Variants in PANX1 observed in about 807,000 individuals in gnomAD.
The protein encoded by PANX1 is pannexin 1, also known as pannexin-1.
PANX1 carries 30 observed loss-of-function variants against 38.7 expected under a neutral mutation model. The ratio of observed to expected loss-of-function variants is 0.78; its 90% confidence interval spans 0.58 to 1.05. The LOEUF (loss-of-function observed/expected upper bound fraction) is 1.05, where lower values mean the gene tolerates loss of function less well. PANX1 is among the 50% of genes least tolerant of loss of function. The pLI, the probability that PANX1 is intolerant of heterozygous loss-of-function variation, is 0.00. For synonymous variants in PANX1, 230 were observed against 212.2 expected (o/e 1.08, Z -0.73); for missense variants, 551 against 517.2 (o/e 1.07, Z -0.63).
chr11:94,156,702 A>C (rs1405590230), intron 2 of PANX1, among the ~76,000 whole-genome samples: 3 of 151,308 alleles, frequency 2.0e-5, no homozygotes, highest in Non-Finnish European at 1.5e-5. Context: ...TTTTTAAAAA[A>C]AATTATTTTT....
intron 2 of PANX1, chr11:94,175,965 G>T (rs1442104236): frequency 2.2e-6 from 2 of 892,808 alleles, no homozygotes; most frequent in Non-Finnish European, 2.7e-6. Context: ...TTCCTTATGT[G>T]GGTCTGTGAT....
At chr11:94,134,892 C>T (rs74607543) in intron 1 of PANX1, among the ~76,000 whole-genome samples, 85 of 152,232 alleles carry the variant, frequency 5.6e-4, no homozygotes, top group Non-Finnish European at 9.4e-4. Context: ...TTTAAGCCAC[C>T]CAGTCTGTGG....
chr11:94,180,261 G>C lies in PANX1; in HGVS notation c.1201+4G>C, dbSNP rs1345571584. ...AACCAGACGGCAGAGCTCCAAGGTA[G>C]GGTTTGCTTTTGGCAGAGGCTACGG... is the stretch of plus-strand genomic sequence containing the variant. On this transcript the variant is annotated splice_donor_region_variant and intron_variant, in intron 4 of 4. Transcript: ENST00000227638. 2.5e-6 allele frequency: 4 copies of C among 1,593,468 alleles called. No individual in the cohort carries two copies. The South Asian group carries it at 4.5e-5, about 18-fold the overall frequency.
intron 2 of PANX1, among the ~76,000 whole-genome samples, chr11:94,161,490 C>G (rs1947034041): frequency 6.6e-6 from 1 of 152,190 alleles, no homozygotes; most frequent in African/African-American, 2.4e-5. Flanking sequence ...ATCACTGATA[C>G]CTTTTCTTCC....
At chr11:94,142,822 C>T (rs1946779010) in intron 1 of PANX1, among the ~76,000 whole-genome samples, 1 of 152,216 alleles carries the variant, frequency 6.6e-6, no homozygotes, top group Non-Finnish European at 1.5e-5. Flanking sequence ...AATACCTGTG[C>T]TCTGTTGCCC....
At chr11:94,150,484 A>T (rs920832035) in intron 1 of PANX1, among the ~76,000 whole-genome samples, 2 of 152,286 alleles carry the variant, frequency 1.3e-5, no homozygotes, top group African/African-American at 4.8e-5. Context: ...GAGATAGAGG[A>T]TGTGGAAATA....
chr11:94,138,173 C>T lies in PANX1; in HGVS notation c.181+8680C>T, dbSNP rs569815503. The stretch of plus-strand genomic sequence containing the variant: ...GATAGACCCCCAATGGATACTTCTC[C>T]CCGCAGCTGAAGGAGTGGCTTTCCC... On this transcript the variant is annotated intron_variant, in intron 1 of 4. Transcript: ENST00000227638. Among the ~76,000 whole-genome samples, 6 of 152,204 alleles carry T rather than the reference C, an allele frequency of 3.9e-5. No homozygotes were observed. The East Asian group carries it at 1.2e-3, about 29-fold the overall frequency.
At chr11:94,174,770 T>C (rs1208564901) in intron 2 of PANX1, among the ~76,000 whole-genome samples, 3 of 151,350 alleles carry the variant, frequency 2.0e-5, no homozygotes, top group Admixed American at 6.6e-5. Context: ...AGGGGAGGAG[T>C]TGTTCAGTCC....
chr11:94,140,268 G>C (rs997649818), intron 1 of PANX1, among the ~76,000 whole-genome samples: 21 of 152,346 alleles, frequency 1.4e-4, no homozygotes, highest in African/African-American at 4.6e-4. Context: ...GTGTGGCAGT[G>C]GAGGGAGTTT....
At chr11:94,161,243 C>T (rs1338887321) in intron 2 of PANX1, among the ~76,000 whole-genome samples, 1 of 152,114 alleles carries the variant, frequency 6.6e-6, no homozygotes, top group South Asian at 2.1e-4. Context: ...GTGGCGTTCT[C>T]TGTATTTCCT....
chr11:94,177,999 G>T (rs540133708), intron 2 of PANX1, among the ~76,000 whole-genome samples: 15 of 148,390 alleles, frequency 1.0e-4, no homozygotes, highest in Non-Finnish European at 2.1e-4. Flanking sequence ...AACCATAAAA[G>T]TTAACAAAAA....
chr11:94,168,294 G>C (rs1294533110), intron 2 of PANX1, among the ~76,000 whole-genome samples: 1 of 152,110 alleles, frequency 6.6e-6, no homozygotes, highest in African/African-American at 2.4e-5. Context: ...TATGATGCAG[G>C]GTAGGCTAGG....
chr11:94,135,065 T>C (rs980789339), intron 1 of PANX1, among the ~76,000 whole-genome samples: 2 of 152,138 alleles, frequency 1.3e-5, no homozygotes, highest in African/African-American at 4.8e-5. Context: ...TGGTGCCTCA[T>C]GTGGCACATA....
intron 1 of PANX1, among the ~76,000 whole-genome samples, chr11:94,147,037 T>TAGAG (rs949469996): frequency 1.3e-5 from 2 of 152,128 alleles, no homozygotes; most frequent in Non-Finnish European, 2.9e-5. Context: ...TATATATGCA[T>TAGAG]AGAGAGAGAG....
intron 2 of PANX1, among the ~76,000 whole-genome samples, chr11:94,156,914 C>T (rs1946955318): frequency 2.0e-5 from 3 of 151,114 alleles, no homozygotes; most frequent in Admixed American, 1.3e-4. Context: ...GTGTGATGTT[C>T]CCCTTCCTGT....
chr11:94,158,366 C>T (rs909549237), intron 2 of PANX1, among the ~76,000 whole-genome samples: 3 of 152,204 alleles, frequency 2.0e-5, no homozygotes, highest in Non-Finnish European at 4.4e-5. Flanking sequence ...GATATTGATT[C>T]TTCTTATCCA....
chr11:94,143,297 G>A (rs1946784734), intron 1 of PANX1, among the ~76,000 whole-genome samples: 1 of 152,156 alleles, frequency 6.6e-6, no homozygotes, highest in Non-Finnish European at 1.5e-5. Context: ...TATCCAAGGA[G>A]GCCTGCTTTC....
At chr11:94,133,959 G>C (rs1400773344) in intron 1 of PANX1, among the ~76,000 whole-genome samples, 1 of 152,176 alleles carries the variant, frequency 6.6e-6, no homozygotes, top group African/African-American at 2.4e-5. Context: ...CCCTCTGAGT[G>C]CCATTTAATG....
chr11:94,159,438 T>C lies in PANX1; in HGVS notation c.321+5808T>C, dbSNP rs566902188. Among the ~76,000 whole-genome samples, 610 of 152,318 alleles carry C rather than the reference T, an allele frequency of 4.0e-3. 5 individuals are homozygous for C. The highest frequency in any genetic ancestry group is 8.4e-3 in the Admixed American group (128 of 15,304). On this transcript the variant is annotated intron_variant, in intron 2 of 4. Transcript: ENST00000227638. ...TTTGCCTCAATTTCAGAGCCTGTTA[T>C]TGGTCTATTCAGAGATTCAACTTCT...
Sources: gnomAD v4.1 joint callset for allele counts (sites outside exome capture counted in the v4.1 genomes callset) on GRCh38, gnomAD v4.1.1 for gene constraint, MANE v1.5 for transcripts, NCBI Gene and HGNC (gene_info 2026-07-23, HGNC 2026-07-21) for gene names.